Variants in ERC2 observed in about 807,000 individuals in gnomAD.
ERC2 encodes the protein ELKS/RAB6-interacting/CAST family member 2.
In ERC2, 42 loss-of-function variants were observed where a neutral mutation model predicts 114.8. That is an observed-to-expected ratio of 0.37 (90% CI 0.29 to 0.47). The LOEUF (loss-of-function observed/expected upper bound fraction) is 0.47. Among genes scored for constraint, ERC2 ranks in the 20% least tolerant of loss-of-function variants. ERC2 has a pLI of 0.99. For missense variants in ERC2, 939 were observed against 1,150.7 expected, an observed-to-expected ratio of 0.82 and a Z score of 2.66; for synonymous variants, 454 against 425.5, an observed-to-expected ratio of 1.07 and a Z score of -0.82.
chr3:55,784,445 G>T (rs1295668905), intron 14 of ERC2, among the ~76,000 whole-genome samples: 2 of 152,148 alleles, frequency 1.3e-5, no homozygotes, highest in South Asian at 4.1e-4. Context: ...TGTAAAAAAG[G>T]CTGCCTAGTG....
At chr3:55,550,994 T>C (rs1197450307) in intron 17 of ERC2, among the ~76,000 whole-genome samples, 8 of 136,598 alleles carry the variant, frequency 5.9e-5, no homozygotes, top group South Asian at 2.3e-4. Context: ...CCAGCCTGGG[T>C]GACAAAGCAA....
At chr3:55,994,956 T>C (rs1451785229) in intron 10 of ERC2, among the ~76,000 whole-genome samples, 1 of 152,220 alleles carries the variant, frequency 6.6e-6, no homozygotes, top group Non-Finnish European at 1.5e-5. Context: ...GTCATTAGAA[T>C]GAAGACCAGA....
At chr3:56,025,012 C>T (rs114926672) in intron 7 of ERC2, among the ~76,000 whole-genome samples, 36 of 152,256 alleles carry the variant, frequency 2.4e-4, no homozygotes, top group Admixed American at 5.9e-4. Context: ...GAACCTGTGT[C>T]GCACGTGGCT....
chr3:56,046,724 C>T (rs1186367320), intron 7 of ERC2, among the ~76,000 whole-genome samples: 1 of 152,186 alleles, frequency 6.6e-6, no homozygotes, highest in Non-Finnish European at 1.5e-5. Flanking sequence ...GAATCTCCCA[C>T]TTAGAGAGAA....
Position 55,869,402 on chromosome 3 carries a change from C to T in ERC2, c.2564+18987G>A, listed in dbSNP as rs1418012533. On this transcript the variant is annotated intron_variant, in intron 14 of 17. Coordinates refer to ENST00000288221, the MANE Select transcript of ERC2 (RefSeq NM_015576.3). ...TACAAATGACAGCTTTCAGCAGAAC[C>T]TTCCAGAACTGTTCTGAACTTTTAG... Among the ~76,000 whole-genome samples, 5 of 152,198 alleles carry T rather than the reference C, an allele frequency of 3.3e-5. No individual in the cohort carries two copies. In the East Asian group the frequency reaches 5.8e-4, roughly 18 times the overall value.
intron 17 of ERC2, among the ~76,000 whole-genome samples, chr3:55,518,824 T>C (rs2052709822): frequency 6.6e-6 from 1 of 152,270 alleles, no homozygotes; most frequent in African/African-American, 2.4e-5. Flanking sequence ...GAAATTGGAA[T>C]CTTTTAAACA....
intron 3 of ERC2, among the ~76,000 whole-genome samples, chr3:56,227,467 C>T (rs1421655590): frequency 6.6e-6 from 1 of 151,134 alleles, no homozygotes; most frequent in Non-Finnish European, 1.5e-5. Context: ...AGGTCCCTCC[C>T]TACAAGGGCA....
At chr3:56,196,063 A>G (rs1449895033) in intron 3 of ERC2, among the ~76,000 whole-genome samples, 2 of 152,116 alleles carry the variant, frequency 1.3e-5, no homozygotes, top group Non-Finnish European at 1.5e-5. Flanking sequence ...ACTGATTTTT[A>G]GCCAGCTAAA....
chr3:55,871,109 C>A (rs955530136), intron 14 of ERC2, among the ~76,000 whole-genome samples: 3 of 152,168 alleles, frequency 2.0e-5, no homozygotes, highest in Non-Finnish European at 2.9e-5. Flanking sequence ...CCCACTGACC[C>A]CACAAATCAC....
intron 7 of ERC2, among the ~76,000 whole-genome samples, chr3:56,052,413 C>T (rs1030850402): frequency 1.3e-5 from 2 of 152,192 alleles, no homozygotes; most frequent in African/African-American, 2.4e-5. Context: ...GGCCAGTTTC[C>T]GGCCCACCAC....
At chr3:56,095,085 T>C (rs2077985378) in intron 6 of ERC2, among the ~76,000 whole-genome samples, 1 of 152,126 alleles carries the variant, frequency 6.6e-6, no homozygotes, top group Non-Finnish European at 1.5e-5. Flanking sequence ...AGACCTCATT[T>C]ATACTAAATA....
chr3:56,109,390 T>C (rs932652019), intron 6 of ERC2, among the ~76,000 whole-genome samples: 1 of 152,182 alleles, frequency 6.6e-6, no homozygotes, highest in South Asian at 2.1e-4. Context: ...CCATGCTGTA[T>C]ATGTACCACA....
At chr3:55,781,742 G>A (rs1215041794) in intron 14 of ERC2, among the ~76,000 whole-genome samples, 9 of 151,700 alleles carry the variant, frequency 5.9e-5, no homozygotes, top group South Asian at 2.1e-4. Context: ...TGATGTGGCC[G>A]GCGCCTGTAA....
At chr3:56,118,762 G>C (rs1016138057) in intron 6 of ERC2, among the ~76,000 whole-genome samples, 4 of 150,252 alleles carry the variant, frequency 2.7e-5, no homozygotes, top group African/African-American at 9.8e-5. Flanking sequence ...TCAGCCTCCC[G>C]AGTAGCTGGG....
At chr3:55,846,243 T>G (rs1023962554) in intron 14 of ERC2, among the ~76,000 whole-genome samples, 1 of 152,226 alleles carries the variant, frequency 6.6e-6, no homozygotes, top group Non-Finnish European at 1.5e-5. Context: ...TGAGAACATA[T>G]GGTATTTGGT....
At chr3:55,895,516 C>G (rs929614411) in intron 13 of ERC2, among the ~76,000 whole-genome samples, 6 of 152,316 alleles carry the variant, frequency 3.9e-5, no homozygotes, top group Middle Eastern at 3.4e-3. Context: ...CATTCCTAGC[C>G]TCACTACTTT....
chr3:56,389,294 C>T (rs2060045915), intron 2 of ERC2, among the ~76,000 whole-genome samples: 1 of 152,088 alleles, frequency 6.6e-6, no homozygotes. Flanking sequence ...AGTCAGACTT[C>T]ACAGAGAAAT....
chr3:55,583,399 TTTCCTTCC>T (rs568033136), intron 17 of ERC2, among the ~76,000 whole-genome samples: 4,234 of 86,878 alleles, frequency 0.049, 146 homozygotes, highest in Middle Eastern at 0.083. Context: ...TCCTTCCTTC[TTTCCTTCC>T]TTCCTTCCTT....
At position 56,010,583 on chromosome 3, in the gene ERC2, T is replaced by G. The variant is rs1444289589; in HGVS notation, c.1786A>C (p.Ile596Leu). The G allele has an allele frequency of 6.2e-7, 1 of 1,612,900 alleles. No individual in the cohort carries two copies. Among genetic ancestry groups the G allele is most frequent in the African/African-American group, 1.3e-5 (1 of 74,876 alleles). Residue 596 changes from isoleucine (I) to leucine (L), a missense_variant, in exon 9 of 18, where the codon ATA (isoleucine) becomes CTA (leucine). By Grantham distance (5) the Ile-to-Leu change is conservative. This residue lies in a region of ERC2 where 149 missense variants were observed against 254.6 expected (regional missense o/e 0.59). Transcript: ENST00000288221. Reference sequence around the variant, plus strand: ...CGCTGTTCTTTCAAGCGCTCAATTATTCTCTCCTGTAAGGCAATTAACAAA... The same window carrying G: ...CGCTGTTCTTTCAAGCGCTCAATTAGTCTCTCCTGTAAGGCAATTAACAAA... ...LEEALSEKERIIERLKEQRER... is the reference protein window; with the variant it reads ...LEEALSEKERLIERLKEQRER...
Sources: allele counts gnomAD v4.1 joint callset (sites outside exome capture counted in the v4.1 genomes callset), GRCh38; gene constraint gnomAD v4.1.1; regional missense constraint gnomAD v4.1.1; transcripts MANE v1.5; gene names NCBI Gene and HGNC (gene_info 2026-07-23, HGNC 2026-07-21).